Variants in SV2B observed in about 807,000 individuals in gnomAD.
SV2B encodes the protein synaptic vesicle glycoprotein 2B, also known as solute carrier family 22 member B2.
Under a neutral mutation model 73.9 loss-of-function variants are expected in SV2B, and 41 were observed. The ratio of observed to expected loss-of-function variants is 0.56; its 90% confidence interval spans 0.43 to 0.72. The LOEUF is 0.72. SV2B is among the 30% of genes least tolerant of loss of function. SV2B has a pLI of 0.00. For missense variants in SV2B, 764 were observed against 857.8 expected (o/e 0.89, Z 1.37); for synonymous variants, 314 against 314.2 (o/e 1.00, Z 0.01).
intron 2 of SV2B, among the ~76,000 whole-genome samples, chr15:91,249,469 G>A (rs534197592): frequency 5.9e-5 from 9 of 152,220 alleles, no homozygotes; most frequent in African/African-American, 2.2e-4. Flanking sequence ...TTCCTCACTT[G>A]ACAAGCAATA....
intron 1 of SV2B, among the ~76,000 whole-genome samples, chr15:91,183,271 T>TG (rs1733778356): frequency 6.6e-6 from 1 of 152,240 alleles, no homozygotes. Flanking sequence ...CACATAAATG[T>TG]GGGGAAAGTT....
At chr15:91,104,539 A>G (rs1006822714) in intron 1 of SV2B, among the ~76,000 whole-genome samples, 2 of 152,270 alleles carry the variant, frequency 1.3e-5, no homozygotes, top group South Asian at 2.1e-4. Context: ...GAGGAGCTAC[A>G]TAGTCACATT....
At chr15:91,198,455 A>ATGTGTGTGTGTGTGTG (rs5814467) in intron 1 of SV2B, among the ~76,000 whole-genome samples, 19 of 136,848 alleles carry the variant, frequency 1.4e-4, no homozygotes, top group Middle Eastern at 3.7e-3. Flanking sequence ...AAGCACGTGT[A>ATGTGTGTGTGTGTGTG]TGTGTGTGTG....
intron 1 of SV2B, among the ~76,000 whole-genome samples, chr15:91,174,511 C>G (rs749722848): frequency 1.5e-4 from 23 of 152,116 alleles, no homozygotes; most frequent in Non-Finnish European, 2.1e-4. Context: ...TTAAAACAAG[C>G]ATTACTTCTC....
rs2047797251 is a variant in SV2B at position 91,258,794 on chromosome 15, G to A, written c.918+240G>A. 6.6e-6 allele frequency among the ~76,000 whole-genome samples: 1 copy of A among 152,094 alleles called. No individual in the cohort carries two copies. Among genetic ancestry groups the A allele is most frequent in the Non-Finnish European group, 1.5e-5 (1 of 68,020 alleles). Reference sequence around the variant, plus strand: ...TCAAGAGCTTGTGGAGCCCAGAGCAGGAGCTCTTTCCCAAGGCTGTGCAGT... The same window carrying A: ...TCAAGAGCTTGTGGAGCCCAGAGCAAGAGCTCTTTCCCAAGGCTGTGCAGT... On this transcript the variant is annotated intron_variant, in intron 5 of 12. Coordinates refer to ENST00000394232, the MANE Select transcript of SV2B (RefSeq NM_001323032.3). The surrounding 1 kb of genome is among the most constrained non-coding windows in gnomAD (Gnocchi z 4.7).
Position 91,290,097 on chromosome 15 carries a change from TG to T in SV2B, c.1868+418del, listed in dbSNP as rs2048991372. 6.6e-6 allele frequency among the ~76,000 whole-genome samples: 1 copy of T among 152,208 alleles called. No individual in the cohort carries two copies. The highest frequency in any genetic ancestry group is 2.4e-5 in the African/African-American group (1 of 41,448). ...GAGGCAGCATGAAGTCCAGGGAATC[TG>T]CAGAGAATGTGGCAGGGAGGCCCAG... On this transcript the variant is annotated intron_variant, in intron 12 of 12. Coordinates refer to ENST00000394232, the MANE Select transcript of SV2B (RefSeq NM_001323032.3). The surrounding 1 kb of genome is among the most constrained non-coding windows in gnomAD (Gnocchi z 4.7).
At chr15:91,143,128 G>C (rs1208809961) in intron 1 of SV2B, among the ~76,000 whole-genome samples, 1 of 152,190 alleles carries the variant, frequency 6.6e-6, no homozygotes, top group Non-Finnish European at 1.5e-5. Context: ...ACTCTCATGG[G>C]AGGTATTAAT....
chr15:91,151,729 G>A (rs567507436), intron 1 of SV2B, among the ~76,000 whole-genome samples: 6 of 152,274 alleles, frequency 3.9e-5, no homozygotes, highest in African/African-American at 9.6e-5. Flanking sequence ...GAGTGTTTTC[G>A]TCAGAAACCC....
In SV2B at chr15:91,229,310, G is replaced by A. The variant is rs1158876920; in HGVS notation, c.451+2596G>A. ...GCAAGTTATGACTCCTCTAATTCTC[G>A]GTGTTTCCATCTGTAGAATAAGAGC... is the stretch of plus-strand genomic sequence containing the variant. On this transcript the variant is annotated intron_variant, in intron 2 of 12. Transcript: ENST00000394232. This position sits in a 1 kb window ranked among gnomAD's most constrained non-coding sequence, Gnocchi z 4.3. Among the ~76,000 whole-genome samples, 1 of 152,088 alleles carries A rather than the reference G, an allele frequency of 6.6e-6. No homozygotes were observed. The highest frequency in any genetic ancestry group is 1.5e-5 in the Non-Finnish European group (1 of 68,012).
intron 1 of SV2B, among the ~76,000 whole-genome samples, chr15:91,207,412 A>AG (rs2045684394): frequency 6.6e-6 from 1 of 152,022 alleles, no homozygotes; most frequent in Non-Finnish European, 1.5e-5. Flanking sequence ...AGAGCAAAAA[A>AG]CTGGCTCAGG....
chr15:91,216,205 G>A (rs2046019606), intron 1 of SV2B, among the ~76,000 whole-genome samples: 1 of 152,110 alleles, frequency 6.6e-6, no homozygotes, highest in Admixed American at 6.6e-5. Flanking sequence ...TTCAGCCCAC[G>A]GGTTGATGTA....
intron 2 of SV2B, 126 bp from the exon 3 acceptor site, chr15:91,251,693 C>A: frequency 1.8e-6 from 2 of 1,127,996 alleles, no homozygotes; most frequent in Non-Finnish European, 1.2e-6. Flanking sequence ...CACATTCCAC[C>A]ATTTTGTGTC....
At chr15:91,291,339 G>T (rs2049033269) in intron 12 of SV2B, among the ~76,000 whole-genome samples, 1 of 151,946 alleles carries the variant, frequency 6.6e-6, no homozygotes, top group African/African-American at 2.4e-5. Context: ...AAAAAAGACT[G>T]GGTTGATGAA....
rs1363356419 is a variant in SV2B at position 91,258,312 on chromosome 15, G to A, written c.785-109G>A. On this transcript the variant is annotated intron_variant, in intron 4 of 12. Transcript: ENST00000394232. The surrounding 1 kb of genome is among the most constrained non-coding windows in gnomAD (Gnocchi z 4.7). Reference sequence around the variant, plus strand: ...GAGTCTGCATTTTAACCACCTCCCCGGGTGACTCTCTTGTGCCCTGAAGTT... The same window carrying A: ...GAGTCTGCATTTTAACCACCTCCCCAGGTGACTCTCTTGTGCCCTGAAGTT... 6 of 1,482,066 alleles carry A rather than the reference G, an allele frequency of 4.0e-6. No individual in the cohort carries two copies. The highest frequency in any genetic ancestry group is 1.4e-5 in the South Asian group (1 of 70,464). 91.8% of individuals were successfully genotyped at this position (1,482,066 alleles called of 1,614,324 possible).
chr15:91,171,037 G>A (rs966466255), intron 1 of SV2B, among the ~76,000 whole-genome samples: 6 of 152,158 alleles, frequency 3.9e-5, no homozygotes, highest in East Asian at 1.9e-4. Context: ...AGGAAACTAC[G>A]GCTCAGAGAG....
Position 91,252,469 on chromosome 15 carries a change from A to G in SV2B, c.733A>G (p.Thr245Ala), listed in dbSNP as rs1326293741. The change falls in exon 4 of 13, where the codon ACT becomes GCT. Residue 245 changes from threonine to alanine, a missense_variant. Coordinates refer to ENST00000394232, the MANE Select transcript of SV2B (RefSeq NM_001323032.3). The surrounding 1 kb of genome is among the most constrained non-coding windows in gnomAD (Gnocchi z 4.6). ...HLSWLGIFWM[T>A]GGLYASAMAW... ...CAGTTGGCTGGGCATCTTCTGGATG[A>G]CTGGGGGCCTGTACGCATCTGCCAT... The G allele has an allele frequency of 1.9e-6, 3 of 1,613,588 alleles. No homozygotes were observed. Among genetic ancestry groups the G allele is most frequent in the East Asian group, 2.2e-5 (1 of 44,876 alleles).
intron 1 of SV2B, among the ~76,000 whole-genome samples, chr15:91,205,509 GT>G (rs2045602777): frequency 6.6e-6 from 1 of 152,082 alleles, no homozygotes. Flanking sequence ...GGGATTACAG[GT>G]GTGCACCACC....
intron 1 of SV2B, among the ~76,000 whole-genome samples, chr15:91,166,184 G>C (rs2043905424): frequency 6.6e-6 from 1 of 152,068 alleles, no homozygotes; most frequent in Non-Finnish European, 1.5e-5. Context: ...AGGATGTATA[G>C]TAGTATCCTT....
rs1211464524 is a variant in SV2B at position 91,137,594 on chromosome 15, TATATATATATTTC to T, written c.-392+37252_-392+37264del. ...AATATATATATATATATTTCTCATA[TATATATATATTTC>T]ATATATATATTTCATATATACATAT... On this transcript the variant is annotated intron_variant, in intron 1 of 12. Transcript: ENST00000394232. The surrounding 1 kb of genome is among the most constrained non-coding windows in gnomAD (Gnocchi z 4.9). Among the ~76,000 whole-genome samples the T allele has an allele frequency of 4.5e-4, 34 of 75,204 alleles. No homozygotes were observed. Among genetic ancestry groups the T allele is most frequent in the Non-Finnish European group, 9.2e-4 (30 of 32,484 alleles). The allele number at this position is 75,204 out of a possible 152,430, so 49.3% of individuals were successfully genotyped here. A position where few individuals can be genotyped will look rare whatever the true frequency, so the allele number is the denominator to read the frequency against.
Sources: gnomAD v4.1 joint callset for allele counts (sites outside exome capture counted in the v4.1 genomes callset) on GRCh38, gnomAD v4.1.1 for gene constraint, Gnocchi (gnomAD v3.1) non-coding constraint, MANE v1.5 for transcripts, NCBI Gene and HGNC (gene_info 2026-07-23, HGNC 2026-07-21) for gene names.